The following OSBPL6 variants were observed in gnomAD, a reference collection of about 807,000 sequenced individuals.
OSBPL6 encodes the protein oxysterol-binding protein-related protein 6.
OSBPL6 carries 49 observed loss-of-function variants against 125.8 expected under a neutral mutation model. The ratio of observed to expected loss-of-function variants is 0.39; its 90% confidence interval spans 0.31 to 0.49. The LOEUF (loss-of-function observed/expected upper bound fraction) is 0.49. Ranked by LOEUF, OSBPL6 falls within the 20% of genes least tolerant of loss-of-function variation. OSBPL6 has a pLI of 0.88. For missense variants in OSBPL6, 986 were observed against 1,135.4 expected, an observed-to-expected ratio of 0.87 and a Z score of 1.89; for synonymous variants, 394 against 391.8, an observed-to-expected ratio of 1.01 and a Z score of -0.07.
intron 11 of OSBPL6, among the ~76,000 whole-genome samples, chr2:178,340,764 ATTC>A (rs1485008041): frequency 2.0e-5 from 3 of 152,322 alleles, no homozygotes; most frequent in East Asian, 1.9e-4. Context: ...TAACAAAATA[ATTC>A]TTCTCTAATT....
At chr2:178,338,120 A>G (rs769541685) in intron 9 of OSBPL6, among the ~76,000 whole-genome samples, 5 of 151,958 alleles carry the variant, frequency 3.3e-5, no homozygotes, top group Admixed American at 3.3e-4. Context: ...TTTTGTAGAG[A>G]TGGGGTTTCA....
At chr2:178,195,122 G>C (rs1187985165) in intron 1 of OSBPL6, among the ~76,000 whole-genome samples, 1 of 152,206 alleles carries the variant, frequency 6.6e-6, no homozygotes, top group African/African-American at 2.4e-5. Flanking sequence ...GAGCGCCCGC[G>C]CCCGCGAGAG....
intron 12 of OSBPL6, among the ~76,000 whole-genome samples, chr2:178,354,800 C>T (rs1255740404): frequency 6.6e-6 from 1 of 152,228 alleles, no homozygotes; most frequent in Non-Finnish European, 1.5e-5. Flanking sequence ...CTCAGCACCA[C>T]ATCACACTTA....
chr2:178,312,482 G>A (rs1401236220), intron 3 of OSBPL6, among the ~76,000 whole-genome samples: 1 of 146,778 alleles, frequency 6.8e-6, no homozygotes, highest in Non-Finnish European at 1.5e-5. Flanking sequence ...TTGAGACAGA[G>A]TTTCGCTTTG....
intron 1 of OSBPL6, among the ~76,000 whole-genome samples, chr2:178,277,065 A>G (rs904255052): frequency 1.3e-5 from 2 of 152,212 alleles, no homozygotes; most frequent in Admixed American, 6.5e-5. Context: ...CACAAAATCT[A>G]AAATATTCAC....
At chr2:178,314,111 G>T (rs1009271859) in intron 3 of OSBPL6, among the ~76,000 whole-genome samples, 1 of 152,168 alleles carries the variant, frequency 6.6e-6, no homozygotes, top group East Asian at 1.9e-4. Context: ...TCTTCAAATC[G>T]CTCTGTTGAA....
At chr2:178,382,250 G>A (rs1575029015) in intron 15 of OSBPL6, among the ~76,000 whole-genome samples, 170 bp from the exon 16 acceptor site, 1 of 152,262 alleles carries the variant, frequency 6.6e-6, no homozygotes, top group East Asian at 1.9e-4. Flanking sequence ...GATCCTATAT[G>A]CTAGTTCATG....
chr2:178,254,784 G>T (rs139722537), intron 1 of OSBPL6, among the ~76,000 whole-genome samples: 192 of 152,284 alleles, frequency 1.3e-3, no homozygotes, highest in African/African-American at 4.5e-3. Context: ...AAAAGTTCTG[G>T]GGCCTGTTGT....
chr2:178,343,126 T>G (rs964503308), intron 11 of OSBPL6, among the ~76,000 whole-genome samples: 1 of 152,194 alleles, frequency 6.6e-6, no homozygotes, highest in Admixed American at 6.5e-5. Context: ...AGTTTAAATA[T>G]TTTTCTGACA....
At chr2:178,281,418 C>T (rs1474572794) in intron 1 of OSBPL6, among the ~76,000 whole-genome samples, 2 of 152,122 alleles carry the variant, frequency 1.3e-5, no homozygotes, top group Admixed American at 6.5e-5. Flanking sequence ...ACATTTAAGT[C>T]TTTAATCTGC....
intron 12 of OSBPL6, among the ~76,000 whole-genome samples, chr2:178,361,242 T>G (rs1034344267): frequency 1.1e-4 from 17 of 152,234 alleles, no homozygotes; most frequent in African/African-American, 4.1e-4. Context: ...ATGCTCTTTT[T>G]GGGTGCATGC....
chr2:178,350,087 T>C (rs1392377697), intron 12 of OSBPL6, among the ~76,000 whole-genome samples: 1 of 152,236 alleles, frequency 6.6e-6, no homozygotes, highest in Non-Finnish European at 1.5e-5. Flanking sequence ...CAAAGCACCA[T>C]AGGCCAGCTC....
chr2:178,357,611 T>C (rs1202967734), intron 12 of OSBPL6, among the ~76,000 whole-genome samples: 1 of 152,134 alleles, frequency 6.6e-6, no homozygotes, highest in African/African-American at 2.4e-5. Flanking sequence ...TGTGGAGAAA[T>C]AGGAACGCTT....
rs191415375 is a variant in OSBPL6, at chr2:178,324,420, A to G, written c.195+151A>G. The G allele has an allele frequency of 1.8e-4, 97 of 530,622 alleles. No homozygotes were observed. The East Asian group carries it at 2.6e-3, about 14-fold the overall frequency. 32.9% of individuals were successfully genotyped at this position (530,622 alleles called of 1,614,324 possible). ...TGCACTTTTTCTGCTTCCAAGGAGT[A>G]GAGTTTCTCTGCCCTTTATAAGAGA... On this transcript the variant is annotated intron_variant, in intron 4 of 24. Transcript: ENST00000190611.
chr2:178,349,919 C>G (rs1182743162), intron 12 of OSBPL6, among the ~76,000 whole-genome samples: 1 of 152,168 alleles, frequency 6.6e-6, no homozygotes, highest in Non-Finnish European at 1.5e-5. Context: ...CTGTGCCTAG[C>G]ACGTTGGCAC....
At chr2:178,361,511 A>G (rs1383101756) in intron 12 of OSBPL6, among the ~76,000 whole-genome samples, 171 bp from the exon 13 acceptor site, 3 of 152,190 alleles carry the variant, frequency 2.0e-5, no homozygotes, top group African/African-American at 7.2e-5. Context: ...ATTTGTGTGG[A>G]GTATAGATAT....
Position 178,349,233 on chromosome 2 carries a change from A to G in OSBPL6, c.997A>G (p.Ser333Gly). The G allele has an allele frequency of 1.2e-6, 2 of 1,614,084 alleles. No individual in the cohort carries two copies. Among genetic ancestry groups the G allele is most frequent in the African/African-American group, 1.3e-5 (1 of 75,038 alleles). The change falls in exon 12 of 25, where the codon AGT (serine) becomes GGT (glycine). Residue 333 changes from serine (S) to glycine (G), a missense_variant. Ser to Gly is a moderately conservative substitution (Grantham distance 56). This residue lies in a region of OSBPL6 where 843 missense variants were observed against 997.3 expected (regional missense o/e 0.85). Coordinates refer to ENST00000190611, the MANE Select transcript of OSBPL6 (RefSeq NM_032523.4). Reference sequence around the variant, plus strand: ...TATCTTCCCCTTTCAGGTTCCTTTCAGTGCTACCATGTCACCAGTTCGCTT... The same window carrying G: ...TATCTTCCCCTTTCAGGTTCCTTTCGGTGCTACCATGTCACCAGTTCGCTT... ...DTKIQLQVPF[S>G]ATMSPVRLHS...
chr2:178,382,315 C>T (rs371512192), intron 15 of OSBPL6, 105 bp from the exon 16 acceptor site: 1 of 1,385,782 alleles, frequency 7.2e-7, no homozygotes, highest in East Asian at 2.5e-5. Context: ...TCTAGGACCT[C>T]TGCTTCTCAC....
At chr2:178,225,003 T>TTCTCTCTCTCTCTCTCTCTC in intron 1 of OSBPL6, among the ~76,000 whole-genome samples, 1 of 148,538 alleles carries the variant, frequency 6.7e-6, no homozygotes, top group East Asian at 2.0e-4. Flanking sequence ...CTCTCTCTCT[T>TTCTCTCTCTCTCTCTCTCTC]TCTCTCTCTC....
Sources: gnomAD v4.1 joint callset for allele counts (sites outside exome capture counted in the v4.1 genomes callset) on GRCh38, gnomAD v4.1.1 for gene constraint, gnomAD v4.1.1 regional missense constraint, MANE v1.5 for transcripts, NCBI Gene and HGNC (gene_info 2026-07-23, HGNC 2026-07-21) for gene names.